The following ABCC1 variants were observed in gnomAD, a reference collection of about 807,000 sequenced individuals.
The protein encoded by ABCC1 is ATP binding cassette subfamily C member 1 (ABCC1 blood group).
A neutral mutation model predicts 172.9 loss-of-function variants in ABCC1; 83 were observed. The observed-to-expected ratio is 0.48, with a 90% CI of 0.40 to 0.58. The LOEUF (loss-of-function observed/expected upper bound fraction) is 0.58, where lower values mean the gene tolerates loss of function less well. ABCC1 is among the 20% of genes least tolerant of loss of function. ABCC1 has a pLI of 0.00. For missense variants in ABCC1, 1,817 were observed against 2,002.7 expected (o/e 0.91, Z 1.77); for synonymous variants, 937 against 825.2 (o/e 1.14, Z -2.32).
At chr16:16,040,786 C>A (rs1236167498) in intron 7 of ABCC1, among the ~76,000 whole-genome samples, 1 of 152,034 alleles carries the variant, frequency 6.6e-6, no homozygotes, top group Admixed American at 6.6e-5. Flanking sequence ...CCACACCCAG[C>A]TGAGTTCTGG....
At chr16:16,002,067 T>G (rs1247957544) in intron 1 of ABCC1, among the ~76,000 whole-genome samples, 1 of 152,120 alleles carries the variant, frequency 6.6e-6, no homozygotes, top group African/African-American at 2.4e-5. Context: ...ATTCAATTGT[T>G]TATTCAATGC....
At chr16:15,969,166 T>C (rs2046313752) in intron 1 of ABCC1, among the ~76,000 whole-genome samples, 1 of 152,142 alleles carries the variant, frequency 6.6e-6, no homozygotes, top group South Asian at 2.1e-4. Context: ...ATGATGGCAC[T>C]GCACTCCAGC....
Position 16,083,380 on chromosome 16 carries a change from T to C in ABCC1, c.2130T>C (p.Tyr710=). 6.2e-7 allele frequency: 1 copy of C among 1,613,642 alleles called. No individual in the cohort carries two copies. The change falls in exon 17 of 31, where the codon TAT becomes TAC. Residue 710 remains tyrosine, a synonymous_variant. Coordinates refer to ENST00000399410, the MANE Select transcript of ABCC1 (RefSeq NM_004996.4). ...GHVAIKGSVA[Y]VPQQAWIQND... ...TTGCAACTTAGGGCTCCGTGGCCTATGTGCCACAGCAGGCCTGGATTCAGA... is the reference window on the plus strand; with the variant it reads ...TTGCAACTTAGGGCTCCGTGGCCTACGTGCCACAGCAGGCCTGGATTCAGA...
At chr16:16,073,682 G>A (rs2050441508) in intron 14 of ABCC1, among the ~76,000 whole-genome samples, 1 of 152,132 alleles carries the variant, frequency 6.6e-6, no homozygotes, top group South Asian at 2.1e-4. Flanking sequence ...GGCTGAGCCC[G>A]GGAGTTCAAG....
chr16:16,029,589 ATTTG>A (rs1226497061), intron 5 of ABCC1, among the ~76,000 whole-genome samples: 2 of 152,224 alleles, frequency 1.3e-5, no homozygotes, highest in African/African-American at 2.4e-5. Context: ...AAGGACATGG[ATTTG>A]TTTATTTTAA....
At chr16:16,014,448 A>C (rs747717594) in intron 3 of ABCC1, 43 bp from the exon 4 acceptor site, 1 of 1,554,628 alleles carries the variant, frequency 6.4e-7, no homozygotes, top group Non-Finnish European at 8.8e-7. Flanking sequence ...ACTCTGTCTC[A>C]AAAAAAAACC....
chr16:15,993,695 G>A (rs1383105169), intron 1 of ABCC1, among the ~76,000 whole-genome samples: 6 of 141,582 alleles, frequency 4.2e-5, no homozygotes, highest in African/African-American at 1.5e-4. Flanking sequence ...TGGTGGAGAC[G>A]GGAACCTAGA....
chr16:16,131,601 C>T (rs534196619), intron 26 of ABCC1, among the ~76,000 whole-genome samples, 188 bp from the exon 27 acceptor site: 12 of 152,192 alleles, frequency 7.9e-5, no homozygotes, highest in Middle Eastern at 3.4e-3. Flanking sequence ...TGCTCTGTAT[C>T]GACCAGAGAT....
intron 18 of ABCC1, 147 bp from the exon 19 acceptor site, chr16:16,090,258 G>C (rs537652008): frequency 1.4e-6 from 1 of 728,074 alleles, no homozygotes; most frequent in East Asian, 2.9e-5. Context: ...CCTGGATGCT[G>C]TTATCGCGGG....
chr16:16,079,620 T>C, intron 16 of ABCC1, 142 bp downstream of exon 16: 2 of 1,093,354 alleles, frequency 1.8e-6, no homozygotes, highest in East Asian at 2.6e-5. Context: ...CCTGTATCTT[T>C]CCACTGTCTC....
intron 3 of ABCC1, among the ~76,000 whole-genome samples, chr16:16,012,514 T>C (rs1307437013): frequency 6.8e-6 from 1 of 146,006 alleles, no homozygotes; most frequent in Non-Finnish European, 1.5e-5. Flanking sequence ...AATTTCACTA[T>C]AATAGAGACA....
At chr16:16,102,327 G>A (rs1293024557) in intron 19 of ABCC1, among the ~76,000 whole-genome samples, 2 of 152,224 alleles carry the variant, frequency 1.3e-5, no homozygotes, top group Non-Finnish European at 2.9e-5. Context: ...TCTGGGCTGG[G>A]TTTTACCCAT....
In ABCC1 at chr16:16,052,795, G is replaced by A. The variant is rs754182739; in HGVS notation, c.1452G>A (p.Ala484=). The A allele has an allele frequency of 2.2e-5, 35 of 1,614,010 alleles. No individual in the cohort carries two copies. The highest frequency in any genetic ancestry group is 1.8e-4 in the South Asian group (16 of 91,084). The change falls in exon 11 of 31, where the codon GCG becomes GCA. Residue 484 remains alanine, a synonymous_variant. Coordinates refer to ENST00000399410, the MANE Select transcript of ABCC1 (RefSeq NM_004996.4). The part of the protein sequence containing the change: ...VLMVPVNAVM[A]MKTKTYQVAH... ...TGGTGCCCGTCAATGCTGTGATGGC[G>A]ATGAAGACCAAGACGTATCAGGTAA...
At chr16:16,093,025 A>G (rs1209744322) in intron 19 of ABCC1, among the ~76,000 whole-genome samples, 4 of 152,224 alleles carry the variant, frequency 2.6e-5, no homozygotes, top group Admixed American at 1.3e-4. Context: ...TTGCCAGTGC[A>G]TGATAGCTGA....
rs778317375 is a variant in ABCC1, at chr16:16,083,371, C to T, written c.2121C>T (p.Ser707=). Residue 707 remains serine (S), a synonymous_variant, in exon 17 of 31, where the codon TCC becomes TCT. Transcript: ENST00000399410. Reference sequence around the variant, plus strand: ...GTTCTCCATTTGCAACTTAGGGCTCCGTGGCCTATGTGCCACAGCAGGCCT... The same window carrying T: ...GTTCTCCATTTGCAACTTAGGGCTCTGTGGCCTATGTGCCACAGCAGGCCT... ...KVEGHVAIKG[S]VAYVPQQAWI... is the part of the protein sequence containing the mutation. The T allele has an allele frequency of 1.1e-5, 17 of 1,613,132 alleles. No individual in the cohort carries two copies. The highest frequency in any genetic ancestry group is 2.2e-5 in the South Asian group (2 of 91,042).
rs146873331 is a variant in ABCC1 at position 15,977,042 on chromosome 16, G to T, written c.48+27243G>T. On this transcript the variant is annotated intron_variant, in intron 1 of 30. Transcript: ENST00000399410. ...GCCAGGATGGGGAGTGAGGATTTCAGTTTGTCATAGGGCAGGGAGATGGGT... is the reference window on the plus strand; with the variant it reads ...GCCAGGATGGGGAGTGAGGATTTCATTTTGTCATAGGGCAGGGAGATGGGT... Among the ~76,000 whole-genome samples, 764 of 152,320 alleles carry T rather than the reference G, an allele frequency of 5.0e-3. 4 individuals carry two copies. The highest frequency in any genetic ancestry group is 0.048 in the Middle Eastern group (14 of 294).
chr16:16,131,535 T>A, intron 26 of ABCC1, among the ~76,000 whole-genome samples: 1 of 152,154 alleles, frequency 6.6e-6, no homozygotes, highest in Admixed American at 6.5e-5. Context: ...GGACAGGCAG[T>A]GCCCTGAAGG....
intron 20 of ABCC1, 115 bp downstream of exon 20, chr16:16,102,832 A>G: frequency 1.1e-6 from 1 of 945,828 alleles, no homozygotes; most frequent in Non-Finnish European, 1.6e-6. Flanking sequence ...CTGGGCTTTT[A>G]CCTTCCCTCC....
At chr16:16,043,959 C>G (rs1234192348) in intron 7 of ABCC1, among the ~76,000 whole-genome samples, 1 of 152,164 alleles carries the variant, frequency 6.6e-6, no homozygotes, top group Non-Finnish European at 1.5e-5. Flanking sequence ...CAACTTGATT[C>G]TTATTTTTCA....
Sources: gnomAD v4.1 joint callset for allele counts (sites outside exome capture counted in the v4.1 genomes callset) on GRCh38, gnomAD v4.1.1 for gene constraint, MANE v1.5 for transcripts, NCBI Gene and HGNC (gene_info 2026-07-23, HGNC 2026-07-21) for gene names.